The following THADA variants were observed in gnomAD, a reference collection of about 807,000 sequenced individuals.
THADA encodes the protein THADA armadillo repeat containing, also known as tRNA (32-2'-O)-methyltransferase regulator THADA.
Under a neutral mutation model 219.8 loss-of-function variants are expected in THADA, and 213 were observed. The ratio of observed to expected loss-of-function variants is 0.97; its 90% confidence interval spans 0.87 to 1.09. The LOEUF (loss-of-function observed/expected upper bound fraction) is 1.09. THADA is among the 50% of genes least tolerant of loss of function. THADA has a pLI of 0.00. For missense variants in THADA, 2,956 were observed against 2,311.3 expected, an observed-to-expected ratio of 1.28 and a Z score of -5.72; for synonymous variants, 1,018 against 828.9, an observed-to-expected ratio of 1.23 and a Z score of -3.92.
At chr2:43,556,272 C>T in intron 17 of THADA, 73 bp downstream of exon 17, 1 of 1,566,432 alleles carries the variant, frequency 6.4e-7, no homozygotes, top group Non-Finnish European at 8.6e-7. Context: ...TATGTTTAAC[C>T]ATTAGATATT....
chr2:43,369,796 A>C (rs941770066), intron 29 of THADA, among the ~76,000 whole-genome samples: 3 of 152,246 alleles, frequency 2.0e-5, no homozygotes, highest in African/African-American at 7.2e-5. Flanking sequence ...CTGAAGACAT[A>C]TAGCCAAATG....
At chr2:43,351,363 T>A (rs1668231674) in intron 29 of THADA, among the ~76,000 whole-genome samples, 1 of 152,156 alleles carries the variant, frequency 6.6e-6, no homozygotes, top group Non-Finnish European at 1.5e-5. Flanking sequence ...AACTTACAAA[T>A]GCTTTCCTGG....
At chr2:43,411,040 A>G (rs1361322737) in intron 28 of THADA, among the ~76,000 whole-genome samples, 1 of 152,238 alleles carries the variant, frequency 6.6e-6, no homozygotes, top group African/African-American at 2.4e-5. Context: ...AACCAGAATT[A>G]ATGTTCCCTT....
chr2:43,467,813 T>C (rs1399835403), intron 26 of THADA, among the ~76,000 whole-genome samples: 1 of 152,218 alleles, frequency 6.6e-6, no homozygotes, highest in African/African-American at 2.4e-5. Flanking sequence ...GTAGAGACTG[T>C]CTACACTCTT....
intron 30 of THADA, among the ~76,000 whole-genome samples, chr2:43,334,890 G>A (rs1666230998): frequency 6.6e-6 from 1 of 152,244 alleles, no homozygotes. Flanking sequence ...GGGCCATGAA[G>A]CCCCTCAACA....
rs201874937 is a variant in THADA at position 43,258,220 on chromosome 2, T to TA, written c.5296+21544dup. Among the ~76,000 whole-genome samples, 905 of 151,596 alleles carry TA rather than the reference T, an allele frequency of 6.0e-3. 13 individuals carry two copies. Among genetic ancestry groups the TA allele is most frequent in the African/African-American group, 0.021 (871 of 41,392 alleles). On this transcript the variant is annotated intron_variant, in intron 36 of 37. Coordinates refer to ENST00000405975, the MANE Select transcript of THADA (RefSeq NM_022065.5). ...AATATAGCATGGGGCATACTTATAC[T>TA]AAAAAAAAATATTATTTGTTGGCCA...
At chr2:43,288,720 T>C (rs1256609659) in intron 34 of THADA, among the ~76,000 whole-genome samples, 1 of 152,230 alleles carries the variant, frequency 6.6e-6, no homozygotes, top group Non-Finnish European at 1.5e-5. Context: ...AACAGCATGA[T>C]TGATTTAAAT....
chr2:43,353,881 G>A (rs183394036), intron 29 of THADA, among the ~76,000 whole-genome samples: 3 of 150,130 alleles, frequency 2.0e-5, no homozygotes, highest in Non-Finnish European at 3.0e-5. Flanking sequence ...GCAGTGGTGC[G>A]TTCTTGGCTC....
intron 25 of THADA, among the ~76,000 whole-genome samples, chr2:43,496,087 A>G (rs1688244162): frequency 6.6e-6 from 1 of 152,184 alleles, no homozygotes; most frequent in African/African-American, 2.4e-5. Context: ...TACAGGTAAG[A>G]AATGGTTTGT....
chr2:43,276,610 C>G (rs1042599740), intron 36 of THADA, among the ~76,000 whole-genome samples: 1 of 152,168 alleles, frequency 6.6e-6, no homozygotes, highest in Non-Finnish European at 1.5e-5. Flanking sequence ...TTAAGGAGCA[C>G]TGGAGATCCC....
chr2:43,360,589 A>T (rs1216654829), intron 29 of THADA, among the ~76,000 whole-genome samples: 1 of 152,176 alleles, frequency 6.6e-6, no homozygotes, highest in Non-Finnish European at 1.5e-5. Flanking sequence ...AACCTACTTC[A>T]GCTCAAACAC....
chr2:43,268,184 G>A (rs1428415462), intron 36 of THADA, among the ~76,000 whole-genome samples: 3 of 152,120 alleles, frequency 2.0e-5, no homozygotes, highest in African/African-American at 7.2e-5. Context: ...ACGATTTCCT[G>A]GCCATTTTGA....
chr2:43,289,590 G>A (rs1026459353), intron 34 of THADA, among the ~76,000 whole-genome samples: 10 of 152,212 alleles, frequency 6.6e-5, no homozygotes, highest in Non-Finnish European at 1.3e-4. Context: ...TAAGAATAAT[G>A]CCTTGGCAGG....
At chr2:43,571,249 A>ATT (rs34717327) in intron 13 of THADA, among the ~76,000 whole-genome samples, 4 of 123,198 alleles carry the variant, frequency 3.2e-5, no homozygotes, top group Admixed American at 8.3e-5. Context: ...GAGCAAGACT[A>ATT]TTTTTTTTTT....
At chr2:43,412,670 A>G (rs1473385659) in intron 28 of THADA, among the ~76,000 whole-genome samples, 1 of 152,214 alleles carries the variant, frequency 6.6e-6, no homozygotes, top group African/African-American at 2.4e-5. Context: ...AGAAGAAAGT[A>G]AAGAAATCTT....
At chr2:43,238,332 A>G (rs189395762) in intron 36 of THADA, among the ~76,000 whole-genome samples, 1 of 152,228 alleles carries the variant, frequency 6.6e-6, no homozygotes, top group Non-Finnish European at 1.5e-5. Context: ...TATCTAAACT[A>G]CATAAAGAAC....
At chr2:43,521,679 T>C (rs577896959) in intron 22 of THADA, among the ~76,000 whole-genome samples, 74 of 152,350 alleles carry the variant, frequency 4.9e-4, no homozygotes, top group Non-Finnish European at 9.1e-4. Flanking sequence ...CTTTGTATTG[T>C]CTTGAGCAGA....
intron 31 of THADA, among the ~76,000 whole-genome samples, chr2:43,306,616 G>A (rs544743082): frequency 6.6e-6 from 1 of 152,166 alleles, no homozygotes; most frequent in Non-Finnish European, 1.5e-5. Context: ...AGGGTCTGTA[G>A]AGTCTGAGAC....
chr2:43,299,669 CAA>C (rs1383521460), intron 31 of THADA, among the ~76,000 whole-genome samples: 2 of 151,870 alleles, frequency 1.3e-5, no homozygotes, highest in East Asian at 3.9e-4. Context: ...TCAAAAACAA[CAA>C]CACCAACAAA....
Sources: allele counts gnomAD v4.1 joint callset (sites outside exome capture counted in the v4.1 genomes callset), GRCh38; gene constraint gnomAD v4.1.1; transcripts MANE v1.5; gene names NCBI Gene and HGNC (gene_info 2026-07-23, HGNC 2026-07-21).